PEDS1: variants seen among roughly 807,000 people sequenced by gnomAD.
PEDS1 encodes plasmanylethanolamine desaturase 1.
Under a neutral mutation model 35.2 loss-of-function variants are expected in PEDS1, and 14 were observed. That is an observed-to-expected ratio of 0.40 (90% CI 0.26 to 0.62). The LOEUF (loss-of-function observed/expected upper bound fraction) is 0.62. PEDS1 is among the 20% of genes least tolerant of loss of function. PEDS1 has a pLI of 0.44. For synonymous variants in PEDS1, 152 were observed against 152.0 expected, an observed-to-expected ratio of 1.00 and a Z score of 0.00; for missense variants, 260 against 367.8, an observed-to-expected ratio of 0.71 and a Z score of 2.40.
intron 5 of PEDS1, 127 bp downstream of exon 5, chr20:50,127,848 C>T (rs2081126641): frequency 1.5e-6 from 2 of 1,322,730 alleles, no homozygotes; most frequent in Non-Finnish European, 2.1e-6. Flanking sequence ...AAATGCATGA[C>T]CTGAGAGACT....
rs1312409487 is a variant in PEDS1 at position 50,153,629 on chromosome 20, G to A, written c.9C>T (p.Gly3=). Residue 3 remains glycine (G), a synonymous_variant, in exon 1 of 6, where the codon GGC becomes GGT. Transcript: ENST00000371652. ...GCTGCTGGCCCGGCCAGTTCTCGGCGCCCGCCATGGCCACTCGCCCGATCG... is the reference window on the plus strand; with the variant it reads ...GCTGCTGGCCCGGCCAGTTCTCGGCACCCGCCATGGCCACTCGCCCGATCG... The part of the protein sequence containing the change: MA[G]AENWPGQQLE... 4.8e-6 allele frequency: 6 copies of A among 1,261,770 alleles called. No individual in the cohort carries two copies. The East Asian group carries it at 9.5e-5, about 20-fold the overall frequency. 78.2% of individuals were successfully genotyped at this position (1,261,770 alleles called of 1,614,324 possible).
intron 1 of PEDS1, among the ~76,000 whole-genome samples, chr20:50,153,167 G>A (rs1470784370): frequency 6.6e-6 from 1 of 151,858 alleles, no homozygotes; most frequent in African/African-American, 2.4e-5. Flanking sequence ...GGGTCCTGGG[G>A]GGATGAGGGG....
chr20:50,119,972 A>G lies in PEDS1; in HGVS notation c.*5086T>C, dbSNP rs1211508605. On this transcript the variant is annotated 3_prime_UTR_variant, in exon 6 of 6. Coordinates refer to ENST00000371652, the MANE Select transcript of PEDS1 (RefSeq NM_199129.4). ...ATTGTTCCCCCTCCCCCAGCCATTT[A>G]AAAAATGCTCGTGGCTGACATGGTG... is the stretch of plus-strand genomic sequence containing the variant. 2 of 152,212 alleles carry G rather than the reference A, an allele frequency of 1.3e-5. No homozygotes were observed. Among genetic ancestry groups the G allele is most frequent in the African/African-American group, 4.8e-5 (2 of 41,436 alleles). The allele number at this position is 152,212 out of a possible 1,614,324, so 9.4% of individuals were successfully genotyped here.
At chr20:50,125,623 C>T (rs1001560736) in intron 5 of PEDS1, among the ~76,000 whole-genome samples, 1 of 151,916 alleles carries the variant, frequency 6.6e-6, no homozygotes, top group Non-Finnish European at 1.5e-5. Flanking sequence ...GAGACAGAGT[C>T]TCACTCTGTG....
chr20:50,151,503 T>C (rs73913833), intron 1 of PEDS1, among the ~76,000 whole-genome samples: 10,388 of 152,030 alleles, frequency 0.068, 1,127 homozygotes, highest in African/African-American at 0.24. Flanking sequence ...AATTCCCAGG[T>C]GGGGAGTTTG....
Position 50,125,092 on chromosome 20 carries a change from G to A in PEDS1, c.779C>T (p.Ala260Val). Reference sequence around the variant, plus strand: ...CTTCTGGGCCCATTTCATGTCATCTGCCCGAGGCTTCTCGCCCGTCAGGCC... The same window carrying A: ...CTTCTGGGCCCATTTCATGTCATCTACCCGAGGCTTCTCGCCCGTCAGGCC... Reference protein sequence around the residue: ...IQGLTGEKPRADDMKWAQKIK With the variant: ...IQGLTGEKPRVDDMKWAQKIK The change falls in exon 6 of 6, where the codon GCA becomes GTA. Residue 260 changes from alanine (A) to valine (V), a missense_variant. Physicochemically the swap from Ala to Val is moderately conservative, Grantham distance 64 (BLOSUM62 0). Around this residue, in one of 4 missense-constraint regions of PEDS1, gnomAD observed 83 missense variants for 142.8 expected, o/e 0.58. Coordinates refer to ENST00000371652, the MANE Select transcript of PEDS1 (RefSeq NM_199129.4). The A allele has an allele frequency of 6.2e-7, 1 of 1,614,158 alleles. No individual in the cohort carries two copies. Among genetic ancestry groups the A allele is most frequent in the South Asian group, 1.1e-5 (1 of 91,084 alleles).
At chr20:50,151,136 AC>A in intron 1 of PEDS1, 2 of 801,834 alleles carry the variant, frequency 2.5e-6, no homozygotes, top group South Asian at 3.2e-5. Flanking sequence ...CCAAGATCAC[AC>A]AGTGAGCAGA....
At chr20:50,146,744 C>T (rs183000262) in intron 1 of PEDS1, among the ~76,000 whole-genome samples, 2 of 152,204 alleles carry the variant, frequency 1.3e-5, no homozygotes, top group East Asian at 3.9e-4. Context: ...AGAAGAAGAC[C>T]GTGAAGCCCA....
intron 5 of PEDS1, among the ~76,000 whole-genome samples, chr20:50,125,544 T>TTATCTATCTATCTATCTATCCATCTATC (rs1018512248): frequency 1.1e-4 from 16 of 147,494 alleles, no homozygotes; most frequent in African/African-American, 3.5e-4. Flanking sequence ...ACATTACCCT[T>TTATCTATCTATCTATCTATCCATCTATC]TATCTATCTA....
intron 1 of PEDS1, among the ~76,000 whole-genome samples, chr20:50,146,315 C>T (rs574346647): frequency 4.6e-5 from 7 of 152,146 alleles, no homozygotes; most frequent in South Asian, 4.1e-4. Flanking sequence ...TCCCCCCACA[C>T]GAGGCCCATT....
At chr20:50,138,432 G>A (rs762205706) in intron 2 of PEDS1, among the ~76,000 whole-genome samples, 2 of 152,208 alleles carry the variant, frequency 1.3e-5, no homozygotes, top group Non-Finnish European at 2.9e-5. Context: ...ACTATGAGAA[G>A]TTAATAAAAT....
At chr20:50,143,706 T>C (rs2081318734) in intron 1 of PEDS1, 85 bp from the exon 2 acceptor site, 4 of 1,534,162 alleles carry the variant, frequency 2.6e-6, no homozygotes, top group Non-Finnish European at 3.5e-6. Flanking sequence ...CTTTTCTTTT[T>C]TTTTTTTCTG....
intron 1 of PEDS1, among the ~76,000 whole-genome samples, chr20:50,151,785 G>A (rs924154370): frequency 6.6e-6 from 1 of 152,136 alleles, no homozygotes; most frequent in East Asian, 1.9e-4. Flanking sequence ...CGTGAACCCG[G>A]GAGGAGGAGC....
chr20:50,142,713 C>G (rs1384991226), intron 2 of PEDS1, among the ~76,000 whole-genome samples: 2 of 146,640 alleles, frequency 1.4e-5, no homozygotes, highest in East Asian at 2.0e-4. Context: ...CGGCCTCCCA[C>G]AGTGCTGGGA....
rs918303697 is a variant in PEDS1, at chr20:50,124,398, G to A, written c.*660C>T. 2.0e-5 allele frequency: 3 copies of A among 152,584 alleles called. No individual in the cohort carries two copies. Among genetic ancestry groups the A allele is most frequent in the Non-Finnish European group, 4.4e-5 (3 of 68,134 alleles). 9.5% of individuals were successfully genotyped at this position (152,584 alleles called of 1,614,324 possible). A position where few individuals can be genotyped will look rare whatever the true frequency, so the allele number is the denominator to read the frequency against. On this transcript the variant is annotated 3_prime_UTR_variant, in exon 6 of 6. Coordinates refer to ENST00000371652, the MANE Select transcript of PEDS1 (RefSeq NM_199129.4). ...TTCCAAATGACCAAGATGCTCTGCA[G>A]GGGCTGTGCCCTGTGAAGACATCTT...
intron 2 of PEDS1, among the ~76,000 whole-genome samples, chr20:50,139,705 A>G (rs2081273594): frequency 6.7e-6 from 1 of 148,770 alleles, no homozygotes; most frequent in African/African-American, 2.5e-5. Context: ...TTCCAGAGGA[A>G]GTCTCACTCT....
At chr20:50,136,450 G>A (rs749531949) in intron 2 of PEDS1, among the ~76,000 whole-genome samples, 10 of 152,140 alleles carry the variant, frequency 6.6e-5, no homozygotes, top group African/African-American at 1.4e-4. Flanking sequence ...GAGGCTGGGC[G>A]CAGGGCTCAC....
chr20:50,146,171 C>T (rs1283839282), intron 1 of PEDS1, among the ~76,000 whole-genome samples: 1 of 152,126 alleles, frequency 6.6e-6, no homozygotes, highest in Non-Finnish European at 1.5e-5. Flanking sequence ...CCTGTGTCCA[C>T]CCTCTCTTCT....
intron 1 of PEDS1, among the ~76,000 whole-genome samples, 159 bp downstream of exon 1, chr20:50,153,358 A>C (rs943736294): frequency 5.9e-5 from 9 of 152,028 alleles, no homozygotes; most frequent in African/African-American, 1.9e-4. Flanking sequence ...TTGGGTTCGG[A>C]AGGGACACTG....
Sources: allele counts gnomAD v4.1 joint callset (sites outside exome capture counted in the v4.1 genomes callset), GRCh38; gene constraint gnomAD v4.1.1; regional missense constraint gnomAD v4.1.1; transcripts MANE v1.5; gene names NCBI Gene and HGNC (gene_info 2026-07-23, HGNC 2026-07-21).